PPP1R1B: variants seen among roughly 807,000 people sequenced by gnomAD.
PPP1R1B encodes the protein protein phosphatase 1 regulatory subunit 1B.
Under a neutral mutation model 28.2 loss-of-function variants are expected in PPP1R1B, and 13 were observed. The ratio of observed to expected loss-of-function variants is 0.46; its 90% CI spans 0.30 to 0.73. The LOEUF (loss-of-function observed/expected upper bound fraction) is 0.73, where lower values mean the gene tolerates loss of function less well. Among genes scored for constraint, PPP1R1B ranks in the 30% least tolerant of loss-of-function variants. The probability of loss-of-function intolerance (pLI) is 0.07; values close to 1 mark genes in which losing one functional copy is unlikely to be tolerated. For synonymous variants in PPP1R1B, 102 were observed against 97.5 expected, an observed-to-expected ratio of 1.05 and a Z score of -0.27; for missense variants, 236 against 256.7, an observed-to-expected ratio of 0.92 and a Z score of 0.55.
upstream of PPP1R1B, chr17:39,626,920 C>A: frequency 6.4e-6 from 1 of 156,988 alleles, no homozygotes; most frequent in Non-Finnish European, 1.4e-5. Flanking sequence ...GGGCTGGGGA[C>A]CCCAAAGCTG....
chr17:39,628,085 C>T (rs1400343915), intron 1 of PPP1R1B, among the ~76,000 whole-genome samples: 1 of 152,122 alleles, frequency 6.6e-6, no homozygotes, highest in Non-Finnish European at 1.5e-5. Flanking sequence ...CCACAGACTA[C>T]TGAGTCCTCC....
intron 4 of PPP1R1B, chr17:39,630,362 C>T (rs982526389): frequency 2.6e-6 from 1 of 384,058 alleles, no homozygotes; most frequent in African/African-American, 2.0e-5. Flanking sequence ...CTTCACCAGC[C>T]TGTGGTGGAC....
At position 39,635,228 on chromosome 17, in the gene PPP1R1B, CAAAA is replaced by C. The variant is rs548167800; in HGVS notation, c.446-373_446-370del. Among the ~76,000 whole-genome samples, 362 of 151,016 alleles carry C rather than the reference CAAAA, an allele frequency of 2.4e-3. 2 individuals carry two copies. The highest frequency in any genetic ancestry group is 8.4e-3 in the African/African-American group (342 of 40,644). On this transcript the variant is annotated intron_variant, in intron 5 of 6. Coordinates refer to ENST00000254079, the MANE Select transcript of PPP1R1B (RefSeq NM_032192.4). ...AAAACAAAAAACCAAAACAAAACAACAAAAAAAAACAAACAAACAAAAAATGCAG... is the reference window on the plus strand; with the variant it reads ...AAAACAAAAAACCAAAACAAAACAACAAAAACAAACAAACAAAAAATGCAG...
intron 4 of PPP1R1B, among the ~76,000 whole-genome samples, chr17:39,631,346 A>C (rs532009964): frequency 9.8e-5 from 15 of 152,342 alleles, no homozygotes; most frequent in African/African-American, 3.6e-4. Flanking sequence ...CAGGTCCAAG[A>C]AGAGGGAAGA....
intron 4 of PPP1R1B, 61 bp downstream of exon 4, chr17:39,630,108 T>G (rs1401091435): frequency 1.3e-6 from 2 of 1,483,610 alleles, no homozygotes; most frequent in African/African-American, 2.8e-5. Context: ...GGGCAGACGC[T>G]AGGGGAGCTT....
At chr17:39,629,406 G>A in intron 2 of PPP1R1B, 134 bp from the exon 3 acceptor site, 4 of 1,332,698 alleles carry the variant, frequency 3.0e-6, no homozygotes, top group Non-Finnish European at 4.3e-6. Flanking sequence ...AGCCGCAGGA[G>A]GGAGAGGGCA....
At position 39,633,913 on chromosome 17, in the gene PPP1R1B, A is replaced by C. The variant is rs2056896804; in HGVS notation, c.272A>C (p.Gln91Pro). Residue 91 changes from glutamine to proline, a missense_variant, in exon 5 of 7, where the codon CAG (glutamine) becomes CCG (proline). Gln to Pro is a moderately conservative substitution (Grantham distance 76, BLOSUM62 -1). Transcript: ENST00000254079. ...CAGCGCATTGCTGAGTCTCACCTGCAGTCTATCAGCAATTTGAATGAGAAC... is the reference window on the plus strand; with the variant it reads ...CAGCGCATTGCTGAGTCTCACCTGCCGTCTATCAGCAATTTGAATGAGAAC... ...AVQRIAESHL[Q>P]SISNLNENQA... is the part of the protein sequence containing the mutation. 1 of 1,613,834 alleles carries C rather than the reference A, an allele frequency of 6.2e-7. No homozygotes were observed. The highest frequency in any genetic ancestry group is 2.2e-5 in the East Asian group (1 of 44,876).
At chr17:39,631,177 G>GT (rs2056874700) in intron 4 of PPP1R1B, among the ~76,000 whole-genome samples, 1 of 152,216 alleles carries the variant, frequency 6.6e-6, no homozygotes, top group African/African-American at 2.4e-5. Context: ...TGAGGCTGCA[G>GT]TGAGCTATGA....
At chr17:39,629,370 C>A in intron 2 of PPP1R1B, 140 bp downstream of exon 2, 1 of 1,248,384 alleles carries the variant, frequency 8.0e-7, no homozygotes, top group Non-Finnish European at 1.2e-6. Flanking sequence ...ACTCTATTGG[C>A]TTTATTTATT....
chr17:39,634,233 CG>C, intron 5 of PPP1R1B, 147 bp downstream of exon 5: 1 of 993,192 alleles, frequency 1.0e-6, no homozygotes, highest in Non-Finnish European at 1.5e-6. Context: ...TGGGGTGCCC[CG>C]AACTCAGCCC....
chr17:39,631,763 G>A (rs2056879817), intron 4 of PPP1R1B, among the ~76,000 whole-genome samples: 1 of 152,202 alleles, frequency 6.6e-6, no homozygotes, highest in Admixed American at 6.5e-5. Context: ...AAAATGAAGG[G>A]TCAGAGCTGC....
intron 2 of PPP1R1B, 135 bp downstream of exon 2, chr17:39,629,365 A>G (rs1567847412): frequency 1.6e-6 from 2 of 1,240,658 alleles, no homozygotes; most frequent in Non-Finnish European, 2.4e-6. Context: ...ACCCAACTCT[A>G]TTGGCTTTAT....
Position 39,627,409 on chromosome 17 carries a change from G to T in PPP1R1B, c.17G>T (p.Arg6Leu), listed in dbSNP as rs547648169. The T allele has an allele frequency of 3.1e-6, 5 of 1,602,560 alleles. No homozygotes were observed. Among genetic ancestry groups the T allele is most frequent in the South Asian group, 1.1e-5 (1 of 90,380 alleles). MDPKD[R>L]KKIQFSVPAP... ...CCGCGCGCCATGGACCCCAAGGACC[G>T]CAAGAAGATCCAGTTCTCGGTGCCC... The change falls in exon 1 of 7, where the codon CGC becomes CTC. Residue 6 changes from arginine to leucine, a missense_variant. Coordinates refer to ENST00000254079, the MANE Select transcript of PPP1R1B (RefSeq NM_032192.4).
chr17:39,630,360 G>A (rs2056868629), intron 4 of PPP1R1B: 2 of 387,294 alleles, frequency 5.2e-6, no homozygotes, highest in South Asian at 5.4e-5. Context: ...CTCTTCACCA[G>A]CCTGTGGTGG....
rs760202455 is a variant in PPP1R1B, at chr17:39,629,234, G to A, written c.142+4G>A. ...CTCTCAGAGCACTCCTCACCAGGTA[G>A]GCCCCTCCCTGCCCACTTAGCCCTG... is the stretch of plus-strand genomic sequence containing the variant. On this transcript the variant is annotated splice_donor_region_variant and intron_variant, in intron 2 of 6. Coordinates refer to ENST00000254079, the MANE Select transcript of PPP1R1B (RefSeq NM_032192.4). 6.2e-7 allele frequency: 1 copy of A among 1,613,498 alleles called. No homozygotes were observed. Among genetic ancestry groups the A allele is most frequent in the Non-Finnish European group, 8.5e-7 (1 of 1,179,720 alleles).
chr17:39,629,368 G>T, intron 2 of PPP1R1B, 138 bp downstream of exon 2: 1 of 1,253,088 alleles, frequency 8.0e-7, no homozygotes, highest in Non-Finnish European at 1.2e-6. Context: ...CAACTCTATT[G>T]GCTTTATTTA....
chr17:39,634,174 C>T, intron 5 of PPP1R1B, 88 bp downstream of exon 5: 1 of 1,538,744 alleles, frequency 6.5e-7, no homozygotes, highest in Non-Finnish European at 8.9e-7. Flanking sequence ...GTGTCTCATA[C>T]ACGCAAACTG....
chr17:39,629,171 T>A lies in PPP1R1B; in HGVS notation c.83T>A (p.Ile28Asn). ...SQLDPRQVEM[I>N]RRRRPTPAML... is the part of the protein sequence containing the mutation. The stretch of plus-strand genomic sequence containing the variant: ...TCACCCCTCCCTCCATCTCCTTAGA[T>A]CCGGCGCAGGAGACCAACGCCTGCC... Residue 28 changes from isoleucine to asparagine, a missense_variant and splice_region_variant, in exon 2 of 7, where the codon ATC (isoleucine) becomes AAC (asparagine). Ile to Asn is a moderately radical substitution (Grantham distance 149). Transcript: ENST00000254079. 3.1e-6 allele frequency: 5 copies of A among 1,613,382 alleles called. No homozygotes were observed. The South Asian group carries it at 5.5e-5, about 18-fold the overall frequency.
intron 4 of PPP1R1B, chr17:39,630,457 A>C: frequency 4.4e-6 from 1 of 226,496 alleles, no homozygotes; most frequent in South Asian, 7.0e-5. Flanking sequence ...CCATTTGCAC[A>C]GATCTGCACA....
Sources: allele counts gnomAD v4.1 joint callset (sites outside exome capture counted in the v4.1 genomes callset), GRCh38; gene constraint gnomAD v4.1.1; transcripts MANE v1.5; gene names NCBI Gene and HGNC (gene_info 2026-07-23, HGNC 2026-07-21).